PAPPA2: variants seen among roughly 807,000 people sequenced by gnomAD.
PAPPA2 encodes the protein pappalysin 2, also known as pappalysin-2.
In PAPPA2, 86 loss-of-function variants were observed where a neutral mutation model predicts 176.4. The ratio of observed to expected loss-of-function variants is 0.49; its 90% CI spans 0.41 to 0.58. The LOEUF is 0.58. Ranked by LOEUF, PAPPA2 falls within the 20% of genes least tolerant of loss-of-function variation. PAPPA2 has a pLI of 0.00. For synonymous variants in PAPPA2, 809 were observed against 852.2 expected, an observed-to-expected ratio of 0.95 and a Z score of 0.88; for missense variants, 2,073 against 2,256.9, an observed-to-expected ratio of 0.92 and a Z score of 1.65.
At chr1:176,687,506 C>T (rs1659896300) in intron 4 of PAPPA2, among the ~76,000 whole-genome samples, 1 of 152,130 alleles carries the variant, frequency 6.6e-6, no homozygotes, top group Non-Finnish European at 1.5e-5. Flanking sequence ...TTATGATGAC[C>T]ACCCCCATAT....
chr1:176,486,147 A>T (rs1404946100), intron 1 of PAPPA2, among the ~76,000 whole-genome samples: 1 of 152,236 alleles, frequency 6.6e-6, no homozygotes, highest in African/African-American at 2.4e-5. Flanking sequence ...AGGGAAATTT[A>T]TGCCCTGCTT....
intron 1 of PAPPA2, among the ~76,000 whole-genome samples, chr1:176,540,126 G>GT (rs1415737420): frequency 1.3e-5 from 2 of 152,256 alleles, no homozygotes; most frequent in African/African-American, 2.4e-5. Flanking sequence ...TTTCATACTT[G>GT]TTTTTTCAGA....
intron 10 of PAPPA2, among the ~76,000 whole-genome samples, chr1:176,708,559 A>AGAGAGAGAG (rs3979555): frequency 6.6e-6 from 1 of 150,918 alleles, no homozygotes; most frequent in Non-Finnish European, 1.5e-5. Context: ...AGAGAGAGAG[A>AGAGAGAGAG]ATCATCATGG....
At chr1:176,538,776 A>G (rs1650215562) in intron 1 of PAPPA2, among the ~76,000 whole-genome samples, 1 of 152,202 alleles carries the variant, frequency 6.6e-6, no homozygotes, top group African/African-American at 2.4e-5. Flanking sequence ...CAAGCCACCT[A>G]TAAACCCTAC....
chr1:176,823,400 A>C (rs1208740109), intron 21 of PAPPA2, among the ~76,000 whole-genome samples: 1 of 152,232 alleles, frequency 6.6e-6, no homozygotes, highest in African/African-American at 2.4e-5. Context: ...TAAAAGGTAG[A>C]TCATTAGATC....
In PAPPA2 at chr1:176,557,102, G is replaced by A. The variant is rs772231560; in HGVS notation, c.780G>A (p.Leu260=). Reference sequence around the variant, plus strand: ...AGACCTTTAACTCCCAAGTAGGACTGCCCATCTTATACTTCTCTGGGAGGC... The same window carrying A: ...AGACCTTTAACTCCCAAGTAGGACTACCCATCTTATACTTCTCTGGGAGGC... ...EAETFNSQVG[L]PILYFSGRRE... The change falls in exon 2 of 23, where the codon CTG becomes CTA. Residue 260 remains leucine, a synonymous_variant. Coordinates refer to ENST00000367662, the MANE Select transcript of PAPPA2 (RefSeq NM_020318.3). The A allele has an allele frequency of 1.1e-5, 17 of 1,614,030 alleles. No homozygotes were observed. The highest frequency in any genetic ancestry group is 1.6e-4 in the Middle Eastern group (1 of 6,062).
chr1:176,659,294 G>A (rs1049260401), intron 3 of PAPPA2, among the ~76,000 whole-genome samples: 3 of 152,020 alleles, frequency 2.0e-5, no homozygotes, highest in African/African-American at 7.2e-5. Flanking sequence ...CTTTCTGAGG[G>A]CTGTGAGGGA....
intron 14 of PAPPA2, among the ~76,000 whole-genome samples, chr1:176,754,680 C>G (rs1236193144): frequency 6.6e-6 from 1 of 152,222 alleles, no homozygotes; most frequent in African/African-American, 2.4e-5. Context: ...AAAATGTCAC[C>G]TACTTCCCAA....
Position 176,695,723 on chromosome 1 carries a change from C to T in PAPPA2, c.2625-15C>T, listed in dbSNP as rs775429300. On this transcript the variant is annotated splice_polypyrimidine_tract_variant and intron_variant, in intron 6 of 22. Coordinates refer to ENST00000367662, the MANE Select transcript of PAPPA2 (RefSeq NM_020318.3). ...ACTCTCCTCATCTCCCATCTCCATCCCTTTATCTCCCCAGGGCCTCAGGCA... is the reference window on the plus strand; with the variant it reads ...ACTCTCCTCATCTCCCATCTCCATCTCTTTATCTCCCCAGGGCCTCAGGCA... The T allele has an allele frequency of 6.8e-6, 11 of 1,613,666 alleles. No individual in the cohort carries two copies. The South Asian group carries it at 1.1e-4, about 16-fold the overall frequency.
At chr1:176,584,033 C>T (rs1573078413) in intron 2 of PAPPA2, among the ~76,000 whole-genome samples, 1 of 152,156 alleles carries the variant, frequency 6.6e-6, no homozygotes, top group Non-Finnish European at 1.5e-5. Context: ...CAGAGCAAAA[C>T]CCTGTCTCGA....
chr1:176,574,924 G>A (rs150205113), intron 2 of PAPPA2, among the ~76,000 whole-genome samples: 157 of 152,258 alleles, frequency 1.0e-3, no homozygotes, highest in Admixed American at 2.0e-3. Context: ...TAGCCTAGAG[G>A]CAATAGGCTG....
rs575052001 is a variant in PAPPA2 at position 176,673,083 on chromosome 1, G to A, written c.2137+1968G>A. On this transcript the variant is annotated intron_variant, in intron 4 of 22. Coordinates refer to ENST00000367662, the MANE Select transcript of PAPPA2 (RefSeq NM_020318.3). Reference sequence around the variant, plus strand: ...TCTGGGTGGGATGAGACATTTTGTTGGGCCTGTCAGAAAACAAATTTGTAA... The same window carrying A: ...TCTGGGTGGGATGAGACATTTTGTTAGGCCTGTCAGAAAACAAATTTGTAA... Among the ~76,000 whole-genome samples, 13 of 152,136 alleles carry A rather than the reference G, an allele frequency of 8.5e-5. No homozygotes were observed. The South Asian group carries it at 1.9e-3, about 22-fold the overall frequency.
chr1:176,721,609 T>G (rs1041193504), intron 12 of PAPPA2, among the ~76,000 whole-genome samples: 2 of 152,212 alleles, frequency 1.3e-5, no homozygotes, highest in African/African-American at 4.8e-5. Context: ...ATCTTTTCAC[T>G]TCCATATTTT....
chr1:176,722,123 T>C (rs1178544465), intron 12 of PAPPA2, among the ~76,000 whole-genome samples: 3 of 152,142 alleles, frequency 2.0e-5, no homozygotes, highest in African/African-American at 7.2e-5. Context: ...CATCTTACAG[T>C]CTATTTAAAA....
rs1041127913 is a variant in PAPPA2 at position 176,463,292 on chromosome 1, A to G, written c.-1043A>G. 8 of 152,190 alleles carry G rather than the reference A, an allele frequency of 5.3e-5. No individual in the cohort carries two copies. 9.4% of individuals were successfully genotyped at this position (152,190 alleles called of 1,614,324 possible). Reference sequence around the variant, plus strand: ...ACTCATCCTTAAATTCCTTCTCACAACAGTGTCAAGAGCCTGGACGCCAGC... The same window carrying G: ...ACTCATCCTTAAATTCCTTCTCACAGCAGTGTCAAGAGCCTGGACGCCAGC... On this transcript the variant is annotated 5_prime_UTR_variant, in exon 1 of 23. Transcript: ENST00000367662.
chr1:176,768,780 A>G (rs1381430184), intron 15 of PAPPA2, among the ~76,000 whole-genome samples: 1 of 152,192 alleles, frequency 6.6e-6, no homozygotes, highest in Non-Finnish European at 1.5e-5. Flanking sequence ...AATGACAGGC[A>G]CTAGGAAATG....
At chr1:176,836,734 C>G (rs1364926501) in intron 21 of PAPPA2, 1 of 152,068 alleles carries the variant, frequency 6.6e-6, no homozygotes, top group African/African-American at 2.4e-5. Context: ...TTCCCTCACC[C>G]CCAAAATCTG....
chr1:176,485,591 T>TTA (rs61362634), intron 1 of PAPPA2, among the ~76,000 whole-genome samples: 6 of 151,494 alleles, frequency 4.0e-5, no homozygotes, highest in South Asian at 4.1e-4. Flanking sequence ...ACTCCTGGCA[T>TTA]TATATATATA....
intron 21 of PAPPA2, among the ~76,000 whole-genome samples, chr1:176,831,124 G>A (rs534954589): frequency 4.6e-5 from 7 of 152,280 alleles, no homozygotes; most frequent in Admixed American, 3.9e-4. Context: ...GTTGGGTTTG[G>A]TGCAGAAGGG....
Sources: gnomAD v4.1 joint callset for allele counts (sites outside exome capture counted in the v4.1 genomes callset) on GRCh38, gnomAD v4.1.1 for gene constraint, MANE v1.5 for transcripts, NCBI Gene and HGNC (gene_info 2026-07-23, HGNC 2026-07-21) for gene names.